The following ANOS1 variants were observed in gnomAD, a reference collection of about 807,000 sequenced individuals.
ANOS1 encodes anosmin-1.
Under a neutral mutation model 59.0 loss-of-function variants are expected in ANOS1, and 6 were observed. That is an observed-to-expected ratio of 0.10 (90% CI 0.06 to 0.20). ANOS1 has a LOEUF of 0.20. Ranked by LOEUF, ANOS1 falls within the 10% of genes least tolerant of loss-of-function variation. The probability of loss-of-function intolerance (pLI) is 1.00; values close to 1 mark genes in which losing one functional copy is unlikely to be tolerated. For missense variants in ANOS1, 433 were observed against 542.3 expected, an observed-to-expected ratio of 0.80 and a Z score of 2.00; for synonymous variants, 217 against 223.4, an observed-to-expected ratio of 0.97 and a Z score of 0.25.
chrX:8,726,721 T>C (rs756858805), intron 1 of ANOS1, among the ~76,000 whole-genome samples: 7 of 112,257 alleles, frequency 6.2e-5, no homozygotes, highest in Non-Finnish European at 1.1e-4. Flanking sequence ...TGTGCCATCA[T>C]GGGCAGACCC....
intron 2 of ANOS1, among the ~76,000 whole-genome samples, chrX:8,683,916 A>T (rs1257166710): frequency 9.0e-6 from 1 of 111,681 alleles, no homozygotes; most frequent in Non-Finnish European, 1.9e-5. Context: ...AAAGGCTGGG[A>T]GATGTCACCC....
chrX:8,666,793 A>G (rs755506295), intron 2 of ANOS1, among the ~76,000 whole-genome samples: 1 of 111,592 alleles, frequency 9.0e-6, no homozygotes, highest in Non-Finnish European at 1.9e-5. Flanking sequence ...GTCCCCTTCA[A>G]CTTTGCATTT....
intron 2 of ANOS1, among the ~76,000 whole-genome samples, chrX:8,673,203 T>C (rs1308191535): frequency 9.1e-6 from 1 of 110,286 alleles, no homozygotes; most frequent in Non-Finnish European, 1.9e-5. Context: ...TGGCATTATT[T>C]TGGTAAACAG....
intron 3 of ANOS1, among the ~76,000 whole-genome samples, chrX:8,603,596 G>A (rs1382864858): frequency 8.9e-6 from 1 of 112,016 alleles, no homozygotes; most frequent in Non-Finnish European, 1.9e-5. Flanking sequence ...TAAAATGCAA[G>A]GTATTGTACA....
At chrX:8,657,531 C>T (rs748134715) in intron 2 of ANOS1, among the ~76,000 whole-genome samples, 15 of 103,505 alleles carry the variant, frequency 1.4e-4, no homozygotes, top group East Asian at 3.0e-4. Flanking sequence ...TGCAGTGGCA[C>T]GATACCAGCT....
chrX:8,638,855 T>C (rs1457516824), intron 2 of ANOS1, among the ~76,000 whole-genome samples: 3 of 111,878 alleles, frequency 2.7e-5, no homozygotes, highest in East Asian at 2.8e-4. Context: ...AAGTGGGAGC[T>C]TGGATCTTAG....
intron 4 of ANOS1, among the ~76,000 whole-genome samples, chrX:8,595,449 T>A (rs12839670): frequency 0.23 from 24,960 of 109,429 alleles, 2,703 homozygotes; most frequent in Middle Eastern, 0.35. Context: ...AAAAAACCGG[T>A]TGAATTACAT....
At chrX:8,566,139 T>G (rs1930108579) in intron 8 of ANOS1, 1 of 753,289 alleles carries the variant, frequency 1.3e-6, no homozygotes, top group Admixed American at 8.7e-5. Context: ...CAGGACTTCA[T>G]GAGGGATGAT....
chrX:8,592,891 A>G (rs765311125), intron 4 of ANOS1, among the ~76,000 whole-genome samples: 1 of 111,647 alleles, frequency 9.0e-6, no homozygotes, highest in East Asian at 2.8e-4. Flanking sequence ...AGGTTAACTT[A>G]CTTCCAGGCA....
intron 1 of ANOS1, among the ~76,000 whole-genome samples, chrX:8,723,402 G>T (rs1932888840): frequency 9.0e-6 from 1 of 111,716 alleles, no homozygotes; most frequent in Non-Finnish European, 1.9e-5. Flanking sequence ...GTAGGCTAAG[G>T]ACATAAATAA....
chrX:8,530,323 G>A lies in ANOS1; in HGVS notation c.*2672C>T, dbSNP rs1929476891. On this transcript the variant is annotated 3_prime_UTR_variant, in exon 14 of 14. Coordinates refer to ENST00000262648, the MANE Select transcript of ANOS1 (RefSeq NM_000216.4). ...TACTGGATATATTTTTCTCACATTA[G>A]AGAAATGAATCTAATTTCAATAAAA... 1 of 111,876 alleles carries A rather than the reference G, an allele frequency of 8.9e-6. No individual in the cohort carries two copies. The highest frequency in any genetic ancestry group is 3.2e-5 in the African/African-American group (1 of 30,841). The allele number at this position is 111,876 out of a possible 1,213,427, so 9.2% of individuals were successfully genotyped here. A position where few individuals can be genotyped will look rare whatever the true frequency, so the allele number is the denominator to read the frequency against.
chrX:8,632,217 C>G (rs1931501034), intron 2 of ANOS1, among the ~76,000 whole-genome samples: 3 of 112,205 alleles, frequency 2.7e-5, no homozygotes, highest in South Asian at 7.5e-4. Flanking sequence ...CCTCATCTAC[C>G]TCAAGCTAAA....
chrX:8,683,457 G>A (rs191613674), intron 2 of ANOS1, among the ~76,000 whole-genome samples: 162 of 110,623 alleles, frequency 1.5e-3, no homozygotes, highest in Non-Finnish European at 2.6e-3. Flanking sequence ...TCACTCAAAC[G>A]GCAGAAGATG....
At position 8,578,106 on chromosome X, in the gene ANOS1, A is replaced by C. The variant is rs191375114; in HGVS notation, c.856+7161T>G. On this transcript the variant is annotated intron_variant, in intron 6 of 13. Coordinates refer to ENST00000262648, the MANE Select transcript of ANOS1 (RefSeq NM_000216.4). ...TCTACCAATAATGTCTATAGATTAA[A>C]CTTCGCACTGAAACGCATCATAAGA... Among the ~76,000 whole-genome samples, 376 of 111,427 alleles carry C rather than the reference A, an allele frequency of 3.4e-3. 1 individual carries two copies. Among genetic ancestry groups the C allele is most frequent in the Middle Eastern group, 9.2e-3 (2 of 217 alleles).
chrX:8,727,357 G>C (rs1932928665), intron 1 of ANOS1, among the ~76,000 whole-genome samples: 1 of 111,892 alleles, frequency 8.9e-6, no homozygotes, highest in Non-Finnish European at 1.9e-5. Flanking sequence ...TGCAGGGACC[G>C]GGCATGGGTG....
intron 10 of ANOS1, among the ~76,000 whole-genome samples, chrX:8,538,283 A>G (rs1440784621): frequency 8.9e-6 from 1 of 112,547 alleles, no homozygotes; most frequent in East Asian, 2.8e-4. Context: ...GATTGTTTTC[A>G]TATTGCATAG....
At chrX:8,722,211 T>C (rs1932879441) in intron 1 of ANOS1, among the ~76,000 whole-genome samples, 1 of 111,856 alleles carries the variant, frequency 8.9e-6, no homozygotes, top group South Asian at 3.7e-4. Flanking sequence ...TTTAAAAAAA[T>C]ACATTTCTAT....
chrX:8,598,434 G>A (rs1315766456), intron 3 of ANOS1, among the ~76,000 whole-genome samples: 1 of 112,096 alleles, frequency 8.9e-6, no homozygotes, highest in Non-Finnish European at 1.9e-5. Context: ...GGAAGATAAT[G>A]GCTCTTTTCT....
chrX:8,682,202 T>C (rs1383571973), intron 2 of ANOS1, among the ~76,000 whole-genome samples: 1 of 107,503 alleles, frequency 9.3e-6, no homozygotes, highest in East Asian at 2.9e-4. Flanking sequence ...CTGCAAAAAA[T>C]ATGTAAGCAA....
Sources: allele counts gnomAD v4.1 joint callset (sites outside exome capture counted in the v4.1 genomes callset), GRCh38; gene constraint gnomAD v4.1.1; transcripts MANE v1.5; gene names NCBI Gene and HGNC (gene_info 2026-07-23, HGNC 2026-07-21).